Variants in RTTN observed in about 807,000 individuals in gnomAD.
RTTN encodes rotatin.
In RTTN, 182 loss-of-function variants were observed where a neutral mutation model predicts 269.2. That is an observed-to-expected ratio of 0.68 (90% CI 0.60 to 0.76). RTTN has a LOEUF of 0.76. Ranked by LOEUF, RTTN falls within the 30% of genes least tolerant of loss-of-function variation. RTTN has a pLI of 0.00. For missense variants in RTTN, 2,545 were observed against 2,608.6 expected (o/e 0.98, Z 0.53); for synonymous variants, 1,006 against 963.5 (o/e 1.04, Z -0.82).
At chr18:70,118,213 C>A (rs1414844999) in intron 26 of RTTN, among the ~76,000 whole-genome samples, 1 of 151,738 alleles carries the variant, frequency 6.6e-6, no homozygotes, top group Non-Finnish European at 1.5e-5. Flanking sequence ...AATTGACAAA[C>A]CTTTAGCTAG....
chr18:70,007,005 C>T (rs2056211327), intron 46 of RTTN: 1 of 153,238 alleles, frequency 6.5e-6, no homozygotes, highest in African/African-American at 2.4e-5. Context: ...TCTGCAGCTT[C>T]CAGTGAGATC....
At chr18:70,205,552 A>G (rs1330065747) in intron 1 of RTTN, 76 bp downstream of exon 1, 2 of 1,589,144 alleles carry the variant, frequency 1.3e-6, no homozygotes, top group Non-Finnish European at 1.7e-6. Flanking sequence ...CCGGCCGCGG[A>G]AACGTGACAC....
At chr18:70,138,014 C>T (rs982275792) in intron 21 of RTTN, among the ~76,000 whole-genome samples, 1 of 152,144 alleles carries the variant, frequency 6.6e-6, no homozygotes, top group African/African-American at 2.4e-5. Context: ...CACAGTGGCT[C>T]ACGACTGTAA....
At chr18:70,057,697 GA>G in intron 37 of RTTN, 44 bp downstream of exon 37, 2 of 1,445,418 alleles carry the variant, frequency 1.4e-6, no homozygotes, top group Non-Finnish European at 1.9e-6. Flanking sequence ...TTTTATTTTT[GA>G]CACCTAACGT....
At chr18:70,050,707 T>C (rs1426485180) in intron 39 of RTTN, among the ~76,000 whole-genome samples, 1 of 151,950 alleles carries the variant, frequency 6.6e-6, no homozygotes, top group Non-Finnish European at 1.5e-5. Flanking sequence ...ATAAAGAAAA[T>C]GCAGCACATA....
At chr18:70,057,983 C>A in intron 36 of RTTN, 151 bp from the exon 37 acceptor site, 1 of 568,244 alleles carries the variant, frequency 1.8e-6, no homozygotes, top group Non-Finnish European at 3.0e-6. Flanking sequence ...AAAAAGATAT[C>A]TCAAAGAATT....
intron 10 of RTTN, among the ~76,000 whole-genome samples, chr18:70,177,831 G>C (rs1425110033): frequency 6.6e-6 from 1 of 152,184 alleles, no homozygotes; most frequent in Non-Finnish European, 1.5e-5. Flanking sequence ...GTGCATTGCT[G>C]GTGGGAATGT....
intron 5 of RTTN, 39 bp from the exon 6 acceptor site, chr18:70,197,777 A>G: frequency 7.6e-7 from 1 of 1,309,578 alleles, no homozygotes; most frequent in Non-Finnish European, 1.1e-6. Context: ...AGAAGAGTTC[A>G]TCTATTCCAG....
intron 43 of RTTN, among the ~76,000 whole-genome samples, chr18:70,027,754 A>G (rs1464443801): frequency 6.6e-6 from 1 of 152,192 alleles, no homozygotes; most frequent in Non-Finnish European, 1.5e-5. Context: ...ATATAAATTC[A>G]TATATAGGGA....
intron 48 of RTTN, 62 bp downstream of exon 48, chr18:70,005,136 A>T: frequency 3.1e-6 from 4 of 1,274,098 alleles, no homozygotes; most frequent in Non-Finnish European, 4.5e-6. Flanking sequence ...TATCTCATTA[A>T]TCAGAAAATC....
At chr18:70,012,476 T>G (rs1018520959) in intron 46 of RTTN, among the ~76,000 whole-genome samples, 1 of 143,272 alleles carries the variant, frequency 7.0e-6, no homozygotes. Context: ...CTCACTGGTA[T>G]TGGTTACAGG....
intron 11 of RTTN, among the ~76,000 whole-genome samples, chr18:70,169,860 G>A (rs555773119): frequency 9.9e-5 from 15 of 152,154 alleles, no homozygotes; most frequent in Non-Finnish European, 1.3e-4. Flanking sequence ...TCACTATTAC[G>A]GCTGAAATGC....
At chr18:70,057,871 G>A in intron 36 of RTTN, 39 bp from the exon 37 acceptor site, 1 of 1,401,476 alleles carries the variant, frequency 7.1e-7, no homozygotes, top group Non-Finnish European at 1.0e-6. Context: ...CAGAAGATTA[G>A]TATACTTTTT....
intron 27 of RTTN, among the ~76,000 whole-genome samples, chr18:70,110,355 TA>T (rs2059431839): frequency 6.6e-6 from 1 of 151,854 alleles, no homozygotes; most frequent in Non-Finnish European, 1.5e-5. Flanking sequence ...CATTTCCAAC[TA>T]AGGTACCCGG....
chr18:70,104,762 C>T (rs556212749), intron 28 of RTTN, among the ~76,000 whole-genome samples: 3 of 152,292 alleles, frequency 2.0e-5, no homozygotes, highest in East Asian at 1.9e-4. Flanking sequence ...TGGAGGTCCA[C>T]TCCAGACCCT....
intron 32 of RTTN, among the ~76,000 whole-genome samples, chr18:70,084,302 T>C (rs762145594): frequency 2.0e-5 from 3 of 152,180 alleles, no homozygotes; most frequent in Non-Finnish European, 4.4e-5. Flanking sequence ...TGCTGTTTCA[T>C]GCTATATCCT....
At chr18:70,182,772 CAT>C (rs1335428070) in intron 10 of RTTN, among the ~76,000 whole-genome samples, 1 of 152,172 alleles carries the variant, frequency 6.6e-6, no homozygotes, top group Non-Finnish European at 1.5e-5. Flanking sequence ...CTACTGTACA[CAT>C]GTTGATTACT....
intron 40 of RTTN, among the ~76,000 whole-genome samples, chr18:70,037,627 C>T (rs2057214733): frequency 6.6e-6 from 1 of 152,218 alleles, no homozygotes; most frequent in Non-Finnish European, 1.5e-5. Flanking sequence ...AGATAGTACA[C>T]CACAGGCCTT....
rs756618140 is a variant in RTTN at position 70,176,725 on chromosome 18, T to G, written c.1426A>C (p.Ile476Leu). The G allele has an allele frequency of 2.5e-6, 4 of 1,613,906 alleles. No individual in the cohort carries two copies. In the East Asian group the frequency reaches 8.9e-5, roughly 36 times the overall value. The change falls in exon 11 of 49, where the codon ATT becomes CTT. Residue 476 changes from isoleucine to leucine, a missense_variant. Coordinates refer to ENST00000640769, the MANE Select transcript of RTTN (RefSeq NM_173630.4). ...AGCAGTCGAACTGCAAACAGGGAAA[T>G]GCTGATAAAGGCCATTCTGTGGTGC... Reference protein sequence around the residue: ...LVHHRMAFISISLFAVRLLQT... With the variant: ...LVHHRMAFISLSLFAVRLLQT...
Sources: allele counts gnomAD v4.1 joint callset (sites outside exome capture counted in the v4.1 genomes callset), GRCh38; gene constraint gnomAD v4.1.1; transcripts MANE v1.5; gene names NCBI Gene and HGNC (gene_info 2026-07-23, HGNC 2026-07-21).